The following GRM8 variants were observed in gnomAD, a reference collection of about 807,000 sequenced individuals.
GRM8 encodes the protein metabotropic glutamate receptor 8.
A neutral mutation model predicts 87.2 loss-of-function variants in GRM8; 47 were observed. That is an observed-to-expected ratio of 0.54 (90% CI 0.43 to 0.69). GRM8 has a LOEUF of 0.69. Ranked by LOEUF, GRM8 falls within the 30% of genes least tolerant of loss-of-function variation. The pLI, the probability that GRM8 is intolerant of heterozygous loss-of-function variation, is 0.00. For missense variants in GRM8, 1,019 were observed against 1,139.2 expected (o/e 0.89, Z 1.52); for synonymous variants, 396 against 404.5 (o/e 0.98, Z 0.25).
chr7:126,577,094 C>A (rs1795184532), intron 8 of GRM8, among the ~76,000 whole-genome samples: 1 of 152,182 alleles, frequency 6.6e-6, no homozygotes, highest in Non-Finnish European at 1.5e-5. Context: ...CAAACTTGGC[C>A]ATCAATTCCT....
chr7:127,034,838 C>T (rs909117114), intron 3 of GRM8, among the ~76,000 whole-genome samples: 2 of 152,004 alleles, frequency 1.3e-5, no homozygotes, highest in African/African-American at 4.8e-5. Flanking sequence ...TTCTTTCCTC[C>T]CTAAAAATAG....
intron 8 of GRM8, among the ~76,000 whole-genome samples, chr7:126,554,397 T>C (rs1162679658): frequency 1.3e-5 from 2 of 151,026 alleles, no homozygotes; most frequent in African/African-American, 2.4e-5. Flanking sequence ...CAAGATAACA[T>C]AGCAAGACCC....
intron 8 of GRM8, among the ~76,000 whole-genome samples, chr7:126,603,859 C>T (rs371054910): frequency 6.6e-6 from 1 of 152,038 alleles, no homozygotes; most frequent in Non-Finnish European, 1.5e-5. Flanking sequence ...ACTGTCAAAG[C>T]AAGCAAAGGT....
intron 3 of GRM8, among the ~76,000 whole-genome samples, chr7:126,931,672 T>A (rs1805785544): frequency 6.6e-6 from 1 of 152,170 alleles, no homozygotes; most frequent in Admixed American, 6.5e-5. Context: ...ATTCTTCATT[T>A]TCTAGTTTGA....
At chr7:126,722,716 C>A (rs577144004) in intron 7 of GRM8, among the ~76,000 whole-genome samples, 3 of 151,802 alleles carry the variant, frequency 2.0e-5, no homozygotes, top group African/African-American at 7.2e-5. Flanking sequence ...CTGTTTTGAG[C>A]AGTCTTCTTA....
rs371598883 is a variant in GRM8 at position 126,484,581 on chromosome 7, CTTTACTTACTACTACT to C, written c.2431-38225_2431-38210del. Among the ~76,000 whole-genome samples the C allele has an allele frequency of 5.6e-3, 851 of 152,126 alleles. 11 individuals carry two copies. The highest frequency in any genetic ancestry group is 0.019 in the African/African-American group (807 of 41,524). On this transcript the variant is annotated intron_variant, in intron 9 of 10. Coordinates refer to ENST00000339582, the MANE Select transcript of GRM8 (RefSeq NM_000845.3). Reference sequence around the variant, plus strand: ...TTAAATGTAACTACTACTTAAATTACTTTACTTACTACTACTTTTACTTACTACTACTTTACTCCAA... The same window carrying C: ...TTAAATGTAACTACTACTTAAATTACTTTACTTACTACTACTTTACTCCAA...
At chr7:127,137,991 G>T (rs1828035450) in intron 2 of GRM8, among the ~76,000 whole-genome samples, 1 of 152,116 alleles carries the variant, frequency 6.6e-6, no homozygotes, top group African/African-American at 2.4e-5. Context: ...AACTTGTCAA[G>T]ATTACAGCAG....
intron 3 of GRM8, among the ~76,000 whole-genome samples, chr7:126,924,931 A>G (rs1194327000): frequency 6.6e-6 from 1 of 152,182 alleles, no homozygotes; most frequent in Non-Finnish European, 1.5e-5. Context: ...TCAGCAGGCA[A>G]GACCACAATT....
At chr7:126,444,742 A>T (rs1038816736) in intron 10 of GRM8, among the ~76,000 whole-genome samples, 2 of 152,214 alleles carry the variant, frequency 1.3e-5, no homozygotes, top group East Asian at 1.9e-4. Context: ...AAACCAAATA[A>T]AATTAATTTT....
At chr7:126,814,144 T>C (rs572485071) in intron 6 of GRM8, among the ~76,000 whole-genome samples, 14 of 152,144 alleles carry the variant, frequency 9.2e-5, no homozygotes, top group African/African-American at 3.4e-4. Flanking sequence ...AGTATTAGAC[T>C]ACCCTGCTAC....
intron 8 of GRM8, among the ~76,000 whole-genome samples, chr7:126,589,747 C>T (rs1796500289): frequency 6.6e-6 from 1 of 152,170 alleles, no homozygotes; most frequent in African/African-American, 2.4e-5. Context: ...GCCACCTCCA[C>T]TGGAGCAGGT....
chr7:127,015,567 A>G (rs185115791), intron 3 of GRM8, among the ~76,000 whole-genome samples: 13 of 152,266 alleles, frequency 8.5e-5, no homozygotes, highest in Non-Finnish European at 1.5e-5. Flanking sequence ...AGGCTATTCA[A>G]CAATAGGCAT....
intron 3 of GRM8, among the ~76,000 whole-genome samples, chr7:127,062,696 T>G (rs1820728947): frequency 6.6e-6 from 1 of 152,182 alleles, no homozygotes; most frequent in African/African-American, 2.4e-5. Flanking sequence ...AGAGCTGGCT[T>G]TTGGTCTGTT....
At chr7:127,240,604 G>C (rs1164794486) in intron 2 of GRM8, among the ~76,000 whole-genome samples, 3 of 152,120 alleles carry the variant, frequency 2.0e-5, no homozygotes, top group African/African-American at 7.2e-5. Context: ...TAAGGAGAGG[G>C]AAACCAAAAG....
intron 2 of GRM8, among the ~76,000 whole-genome samples, chr7:127,140,104 T>C (rs770001757): frequency 1.3e-5 from 2 of 152,186 alleles, no homozygotes; most frequent in Non-Finnish European, 2.9e-5. Flanking sequence ...CAGAAATATA[T>C]TGCATTGCTC....
At chr7:126,466,709 C>A in intron 9 of GRM8, among the ~76,000 whole-genome samples, 1 of 151,952 alleles carries the variant, frequency 6.6e-6, no homozygotes, top group African/African-American at 2.4e-5. Flanking sequence ...AGAAGAGAGA[C>A]GGAATTTTCC....
intron 9 of GRM8, among the ~76,000 whole-genome samples, chr7:126,527,373 G>T (rs188820861): frequency 6.6e-6 from 1 of 152,142 alleles, no homozygotes; most frequent in East Asian, 1.9e-4. Context: ...GAAAAGAAAA[G>T]AAAAGAAAAT....
chr7:126,637,609 T>G (rs965648118), intron 7 of GRM8, among the ~76,000 whole-genome samples: 1 of 152,198 alleles, frequency 6.6e-6, no homozygotes, highest in Non-Finnish European at 1.5e-5. Context: ...CACAAAATAT[T>G]ACAGTGTAGA....
intron 9 of GRM8, among the ~76,000 whole-genome samples, chr7:126,518,782 T>G (rs1174500964): frequency 3.9e-5 from 6 of 152,090 alleles, no homozygotes; most frequent in African/African-American, 1.4e-4. Flanking sequence ...GACCATTTCT[T>G]ATGTAGCTGG....
Sources: gnomAD v4.1 joint callset for allele counts (sites outside exome capture counted in the v4.1 genomes callset) on GRCh38, gnomAD v4.1.1 for gene constraint, MANE v1.5 for transcripts, NCBI Gene and HGNC (gene_info 2026-07-23, HGNC 2026-07-21) for gene names.